RBP3: variants seen among roughly 807,000 people sequenced by gnomAD.
RBP3 encodes the protein retinol binding protein 3.
RBP3 carries 50 observed loss-of-function variants against 64.8 expected under a neutral mutation model. The ratio of observed to expected loss-of-function variants is 0.77; its 90% confidence interval spans 0.61 to 0.98. The LOEUF is 0.98. Among genes scored for constraint, RBP3 ranks in the 50% least tolerant of loss-of-function variants. RBP3 has a pLI of 0.00. For missense variants in RBP3, 1,712 were observed against 1,660.5 expected (o/e 1.03, Z -0.54); for synonymous variants, 828 against 730.2 (o/e 1.13, Z -2.16).
rs370124984 is a variant in RBP3 at position 47,349,212 on chromosome 10, C to T, written c.728C>T (p.Ala243Val). The T allele has an allele frequency of 1.2e-5, 19 of 1,613,434 alleles. No homozygotes were observed. The highest frequency in any genetic ancestry group is 5.3e-5 in the African/African-American group (4 of 74,934). Residue 243 changes from alanine (A) to valine (V), a missense_variant, in exon 1 of 4, where the codon GCG becomes GTG. Transcript: ENST00000584701. The stretch of plus-strand genomic sequence containing the variant: ...ACCAGGGGCGTGGCCGAGGACATCG[C>T]GCACATCCTTAAGCAGATGCGCAGG... ...SQTRGVAEDIAHILKQMRRAI... is the reference protein window; with the variant it reads ...SQTRGVAEDIVHILKQMRRAI...
rs782422769 is a variant in RBP3, at chr10:47,349,806, A to C, written c.1322A>C (p.Tyr441Ser). Residue 441 changes from tyrosine to serine, a missense_variant, in exon 1 of 4, where the codon TAC becomes TCC. By Grantham distance (144) the Tyr-to-Ser change is moderately radical. Coordinates refer to ENST00000584701, the MANE Select transcript of RBP3 (RefSeq NM_002900.3). Reference protein sequence around the residue: ...QVSVLPGNVGYLRFDSFADAS... With the variant: ...QVSVLPGNVGSLRFDSFADAS... ...TCGGTGCTGCCAGGCAATGTGGGCT[A>C]CCTGCGCTTCGATAGTTTTGCTGAC... The C allele has an allele frequency of 1.9e-6, 3 of 1,613,256 alleles. No individual in the cohort carries two copies. Among genetic ancestry groups the C allele is most frequent in the South Asian group, 2.2e-5 (2 of 91,078 alleles).
rs1555211576 is a variant in RBP3 at position 47,351,397 on chromosome 10, C to T, written c.2913C>T (p.Arg971=). 6 of 1,613,688 alleles carry T rather than the reference C, an allele frequency of 3.7e-6. No homozygotes were observed. Among genetic ancestry groups the T allele is most frequent in the South Asian group, 2.2e-5 (2 of 91,092 alleles). The change falls in exon 1 of 4, where the codon CGC becomes CGT. Residue 971 remains arginine (R), a synonymous_variant. Transcript: ENST00000584701. ...MATKLSGLQS[R]YSRVTSEVAL... is the part of the protein sequence containing the mutation. ...CCAAACTGAGCGGTCTGCAGAGCCG[C>T]TACTCCAGGGTGACCTCAGAAGTGG...
intron 2 of RBP3, among the ~76,000 whole-genome samples, chr10:47,354,509 T>A (rs1181826283): frequency 2.6e-5 from 4 of 152,224 alleles, no homozygotes; most frequent in African/African-American, 9.6e-5. Flanking sequence ...GTTCTGTGTG[T>A]GTTCACAGCC....
intron 2 of RBP3, 38 bp from the exon 3 acceptor site, chr10:47,355,337 AG>A: frequency 2.5e-6 from 4 of 1,612,364 alleles, no homozygotes; most frequent in Non-Finnish European, 3.4e-6. Flanking sequence ...CCTCACTGTG[AG>A]CTCAGCCCCT....
At chr10:47,352,140 GC>G in intron 1 of RBP3, among the ~76,000 whole-genome samples, 1 of 152,328 alleles carries the variant, frequency 6.6e-6, no homozygotes, top group East Asian at 1.9e-4. Context: ...TTGGGTGCAG[GC>G]GCTTTGTCTG....
In RBP3 at chr10:47,355,260, T is replaced by C. The variant is rs1588865595; in HGVS notation, c.3246-116T>C. 5 of 1,301,658 alleles carry C rather than the reference T, an allele frequency of 3.8e-6. No individual in the cohort carries two copies. The East Asian group carries it at 7.2e-5, about 19-fold the overall frequency. 80.6% of individuals were successfully genotyped at this position (1,301,658 alleles called of 1,614,324 possible). A position where few individuals can be genotyped will look rare whatever the true frequency, so the allele number is the denominator to read the frequency against. On this transcript the variant is annotated intron_variant, in intron 2 of 3. Coordinates refer to ENST00000584701, the MANE Select transcript of RBP3 (RefSeq NM_002900.3). ...TCTAAAGGAGGAAGAGGCACTAGAC[T>C]GAGGCTGCCAAGAATTAGAACCCTC...
rs527361141 is a variant in RBP3 at position 47,349,148 on chromosome 10, G to A, written c.664G>A (p.Gly222Ser). 1.7e-5 allele frequency: 28 copies of A among 1,613,946 alleles called. No individual in the cohort carries two copies. The highest frequency in any genetic ancestry group is 3.3e-4 in the Middle Eastern group (2 of 6,062). ...TLPQVLGERYGADKDVVVLTS... is the reference protein window; with the variant it reads ...TLPQVLGERYSADKDVVVLTS... ...GCCCCAGGTCCTGGGAGAAAGGTAC[G>A]GTGCCGACAAGGATGTGGTGGTCCT... is the stretch of plus-strand genomic sequence containing the variant. Residue 222 changes from glycine to serine, a missense_variant, in exon 1 of 4, where the codon GGT becomes AGT. Gly to Ser is a moderately conservative substitution (Grantham distance 56). Coordinates refer to ENST00000584701, the MANE Select transcript of RBP3 (RefSeq NM_002900.3).
rs782157576 is a variant in RBP3 at position 47,348,947 on chromosome 10, G to A, written c.463G>A (p.Val155Met). ...GATGGGGGAGTTCCTGGTGGCCCAC[G>A]TGTGGGGGAATCTCATGGGCACCTC... ...SMMGEFLVAH[V>M]WGNLMGTSAL... Residue 155 changes from valine to methionine, a missense_variant, in exon 1 of 4, where the codon GTG (valine) becomes ATG (methionine). Transcript: ENST00000584701. The A allele has an allele frequency of 3.7e-6, 6 of 1,613,778 alleles. No individual in the cohort carries two copies. Among genetic ancestry groups the A allele is most frequent in the Admixed American group, 1.7e-5 (1 of 60,010 alleles).
chr10:47,351,340 T>A lies in RBP3; in HGVS notation c.2856T>A (p.Tyr952Ter). The change falls in exon 1 of 4, where the codon TAT becomes TAA. Residue 952 changes from tyrosine to a stop codon, truncating the protein, a stop_gained. Coordinates refer to ENST00000584701, the MANE Select transcript of RBP3 (RefSeq NM_002900.3). LOFTEE classifies it high-confidence loss of function. The part of the protein sequence containing the change: ...QTAGKLVADN[Y>*]ASAELGAKMA... ...CCGGGAAGCTGGTGGCTGATAACTATGCCTCTGCCGAGCTGGGGGCCAAGA... is the reference window on the plus strand; with the variant it reads ...CCGGGAAGCTGGTGGCTGATAACTAAGCCTCTGCCGAGCTGGGGGCCAAGA... The A allele has an allele frequency of 6.2e-7, 1 of 1,613,526 alleles. No individual in the cohort carries two copies. The highest frequency in any genetic ancestry group is 8.5e-7 in the Non-Finnish European group (1 of 1,180,030).
rs1230910702 is a variant in RBP3, at chr10:47,351,123, G to A, written c.2639G>A (p.Gly880Asp). ...ACGGCCGGAGGCGCACTCTCTGTGG[G>A]CATCTACCAGGTGGGCAGCAGCCCC... ...EPTAGGALSV[G>D]IYQVGSSPLY... Residue 880 changes from glycine to aspartate, a missense_variant, in exon 1 of 4, where the codon GGC becomes GAC. Gly to Asp is a moderately conservative substitution (Grantham distance 94). Transcript: ENST00000584701. 6.2e-7 allele frequency: 1 copy of A among 1,612,920 alleles called. No homozygotes were observed. The highest frequency in any genetic ancestry group is 8.5e-7 in the Non-Finnish European group (1 of 1,180,044).
Position 47,351,036 on chromosome 10 carries a change from C to A in RBP3, c.2552C>A (p.Ala851Glu), listed in dbSNP as rs782402786. 2 of 1,610,334 alleles carry A rather than the reference C, an allele frequency of 1.2e-6. No homozygotes were observed. Among genetic ancestry groups the A allele is most frequent in the South Asian group, 2.2e-5 (2 of 90,996 alleles). ...CTGATGAGCCACACCAGTGGCTCTG[C>A]GGCCGAGGCCTTTGCACACACCATG... ...YILMSHTSGSAAEAFAHTMQD... is the reference protein window; with the variant it reads ...YILMSHTSGSEAEAFAHTMQD... The change falls in exon 1 of 4, where the codon GCG (alanine) becomes GAG (glutamate). Residue 851 changes from alanine (A) to glutamate (E), a missense_variant. Transcript: ENST00000584701.
In RBP3 at chr10:47,348,876, G is replaced by T. The variant is rs1836896466; in HGVS notation, c.392G>T (p.Gly131Val). 2 of 1,613,788 alleles carry T rather than the reference G, an allele frequency of 1.2e-6. No individual in the cohort carries two copies. The highest frequency in any genetic ancestry group is 8.5e-7 in the Non-Finnish European group (1 of 1,180,038). The change falls in exon 1 of 4, where the codon GGC becomes GTC. Residue 131 changes from glycine (G) to valine (V), a missense_variant. Coordinates refer to ENST00000584701, the MANE Select transcript of RBP3 (RefSeq NM_002900.3). The stretch of plus-strand genomic sequence containing the variant: ...CATGAGGTTCTGGAGGGTAATGTGG[G>T]CTACCTGCGGGTGGACAGCGTCCCG... Reference protein sequence around the residue: ...LRHEVLEGNVGYLRVDSVPGQ... With the variant: ...LRHEVLEGNVVYLRVDSVPGQ...
Position 47,348,363 on chromosome 10 carries a change from A to T in RBP3, c.-122A>T. On this transcript the variant is annotated 5_prime_UTR_variant, in exon 1 of 4. Coordinates refer to ENST00000584701, the MANE Select transcript of RBP3 (RefSeq NM_002900.3). ...TGCCCCAACTCAGGAGTTTAGCCCC[A>T]GACCTTCTGTCCACCAGCTGAGAAG... The T allele has an allele frequency of 2.6e-6, 3 of 1,169,734 alleles. No individual in the cohort carries two copies. Among genetic ancestry groups the T allele is most frequent in the Non-Finnish European group, 3.7e-6 (3 of 819,310 alleles). The allele number at this position is 1,169,734 out of a possible 1,614,324, so 72.5% of individuals were successfully genotyped here.
Position 47,350,460 on chromosome 10 carries a change from A to T in RBP3, c.1976A>T (p.Gln659Leu). 1 of 1,612,500 alleles carries T rather than the reference A, an allele frequency of 6.2e-7. No homozygotes were observed. Among genetic ancestry groups the T allele is most frequent in the Non-Finnish European group, 8.5e-7 (1 of 1,179,970 alleles). The change falls in exon 1 of 4, where the codon CAG becomes CTG. Residue 659 changes from glutamine to leucine, a missense_variant. Transcript: ENST00000584701. ...TATGCTCGGCCAGAGGTCGTGGGGCAGACCAGTGCCCTCCTGCGGGCCAAG... is the reference window on the plus strand; with the variant it reads ...TATGCTCGGCCAGAGGTCGTGGGGCTGACCAGTGCCCTCCTGCGGGCCAAG... The part of the protein sequence containing the change: ...AHYARPEVVG[Q>L]TSALLRAKLA...
rs1391217333 is a variant in RBP3, at chr10:47,350,599, T to C, written c.2115T>C (p.Pro705=). ...ACCGCTTGCTAGTGTTCCACAGCCCTGGCGAGCTGGTGGTAGAGGAAGCAC... is the reference window on the plus strand; with the variant it reads ...ACCGCTTGCTAGTGTTCCACAGCCCCGGCGAGCTGGTGGTAGAGGAAGCAC... ...GDHRLLVFHS[P]GELVVEEAPP... is the part of the protein sequence containing the mutation. Residue 705 remains proline (P), a synonymous_variant, in exon 1 of 4, where the codon CCT becomes CCC. Transcript: ENST00000584701. 1.2e-6 allele frequency: 2 copies of C among 1,612,856 alleles called. No homozygotes were observed. The highest frequency in any genetic ancestry group is 2.7e-5 in the African/African-American group (2 of 74,936).
chr10:47,351,612 C>A, intron 1 of RBP3, 74 bp downstream of exon 1: 1 of 1,543,448 alleles, frequency 6.5e-7, no homozygotes. Context: ...ATGCAGGGCT[C>A]TGTGCACAGT....
Position 47,349,360 on chromosome 10 carries a change from C to T in RBP3, c.876C>T (p.Gly292=). ...VSRSLGPLGG[G]SQTWEGSGVL... ...GGTCCCTGGGGCCCCTTGGTGGAGG[C>T]AGCCAGACGTGGGAGGGCAGCGGGG... Residue 292 remains glycine, a synonymous_variant, in exon 1 of 4, where the codon GGC becomes GGT. Transcript: ENST00000584701. The T allele has an allele frequency of 6.2e-7, 1 of 1,612,318 alleles. No individual in the cohort carries two copies. Among genetic ancestry groups the T allele is most frequent in the Non-Finnish European group, 8.5e-7 (1 of 1,179,970 alleles).
Position 47,357,793 on chromosome 10 carries a change from T to C in RBP3, c.*336T>C, listed in dbSNP as rs1297753350. The C allele has an allele frequency of 5.1e-6, 1 of 196,132 alleles. No individual in the cohort carries two copies. The highest frequency in any genetic ancestry group is 1.7e-4 in the South Asian group (1 of 5,776). 12.1% of individuals were successfully genotyped at this position (196,132 alleles called of 1,614,324 possible). The stretch of plus-strand genomic sequence containing the variant: ...TCTTAAATACTCATTAATGTGCATA[T>C]ATCATTATTTTCAGATGCAGCTATC... On this transcript the variant is annotated 3_prime_UTR_variant, in exon 4 of 4. Transcript: ENST00000584701.
At position 47,349,228 on chromosome 10, in the gene RBP3, G is replaced by A; in HGVS notation, c.744G>A (p.Gln248=). 1 of 1,613,482 alleles carries A rather than the reference G, an allele frequency of 6.2e-7. No individual in the cohort carries two copies. The highest frequency in any genetic ancestry group is 8.5e-7 in the Non-Finnish European group (1 of 1,180,022). ...AGGACATCGCGCACATCCTTAAGCA[G>A]ATGCGCAGGGCCATCGTGGTGGGCG... ...VAEDIAHILK[Q]MRRAIVVGER... The change falls in exon 1 of 4, where the codon CAG becomes CAA. Residue 248 remains glutamine (Q), a synonymous_variant. Transcript: ENST00000584701.
Sources: gnomAD v4.1 joint callset for allele counts (sites outside exome capture counted in the v4.1 genomes callset) on GRCh38, gnomAD v4.1.1 for gene constraint, MANE v1.5 for transcripts, NCBI Gene and HGNC (gene_info 2026-07-23, HGNC 2026-07-21) for gene names.